The following MTR variants were observed in gnomAD, a reference collection of about 807,000 sequenced individuals.
MTR encodes the protein methionine synthase.
MTR carries 84 observed loss-of-function variants against 154.8 expected under a neutral mutation model. The observed-to-expected ratio is 0.54, with a 90% CI of 0.45 to 0.65. MTR has a LOEUF of 0.65. Among genes scored for constraint, MTR ranks in the 30% least tolerant of loss-of-function variants. MTR has a pLI of 0.00. For synonymous variants in MTR, 554 were observed against 553.9 expected, an observed-to-expected ratio of 1.00 and a Z score of 0.00; for missense variants, 1,275 against 1,570.2, an observed-to-expected ratio of 0.81 and a Z score of 3.18.
chr1:236,864,406 C>G (rs1323826877), intron 22 of MTR, among the ~76,000 whole-genome samples: 2 of 152,156 alleles, frequency 1.3e-5, no homozygotes, highest in Admixed American at 1.3e-4. Context: ...TCTCTGCCTT[C>G]AAGGCTCATT....
intron 23 of MTR, among the ~76,000 whole-genome samples, chr1:236,874,350 G>A (rs1377948854): frequency 6.6e-6 from 1 of 152,014 alleles, no homozygotes; most frequent in African/African-American, 2.4e-5. Context: ...TGAGGCAGGC[G>A]GATCATTTGA....
At chr1:236,815,771 C>T in intron 7 of MTR, 108 bp downstream of exon 7, 2 of 1,080,540 alleles carry the variant, frequency 1.9e-6, no homozygotes, top group Admixed American at 1.9e-5. Flanking sequence ...ATCTTTAGAA[C>T]TCATCTACTT....
intron 5 of MTR, among the ~76,000 whole-genome samples, chr1:236,810,868 ATAAAG>A (rs1374894764): frequency 6.6e-6 from 1 of 152,214 alleles, no homozygotes; most frequent in African/African-American, 2.4e-5. Context: ...ACCAACTAAA[ATAAAG>A]CTGTAAACTC....
rs1431014615 is a variant in MTR at position 236,897,908 on chromosome 1, G to C, written c.*264G>C. 2.1e-6 allele frequency: 1 copy of C among 479,424 alleles called. No individual in the cohort carries two copies. The highest frequency in any genetic ancestry group is 3.7e-6 in the Non-Finnish European group (1 of 269,340). 29.7% of individuals were successfully genotyped at this position (479,424 alleles called of 1,614,324 possible). On this transcript the variant is annotated 3_prime_UTR_variant, in exon 33 of 33. Transcript: ENST00000366577. ...TGGTTTCCCTGGTCCCTCTGAGATG[G>C]GGACAGACTGAAGACAGAGGTCGTT...
intron 6 of MTR, among the ~76,000 whole-genome samples, chr1:236,813,253 C>T (rs781180426): frequency 9.2e-5 from 14 of 152,026 alleles, no homozygotes; most frequent in African/African-American, 3.1e-4. Context: ...CTGACAGATG[C>T]GATACAGATA....
chr1:236,868,828 G>T (rs935967272), intron 22 of MTR, among the ~76,000 whole-genome samples: 5 of 152,216 alleles, frequency 3.3e-5, no homozygotes, highest in Non-Finnish European at 7.3e-5. Context: ...GCTGAGTGAG[G>T]AACATGATTG....
chr1:236,815,604 G>A lies in MTR; in HGVS notation c.610G>A (p.Ala204Thr). ...ETIFDTANAK[A>T]ALFALQNLFE... is the part of the protein sequence containing the mutation. ...ACGTTCTTTCTTTTTTCCCTGACAG[G>A]CAGCCTTGTTTGCACTCCAAAATCT... is the stretch of plus-strand genomic sequence containing the variant. Residue 204 changes from alanine (A) to threonine (T), a missense_variant and splice_region_variant, in exon 7 of 33, where the codon GCA becomes ACA. By Grantham distance (58) the Ala-to-Thr change is moderately conservative. Transcript: ENST00000366577. 1 of 1,613,838 alleles carries A rather than the reference G, an allele frequency of 6.2e-7. No individual in the cohort carries two copies. Among genetic ancestry groups the A allele is most frequent in the Non-Finnish European group, 8.5e-7 (1 of 1,179,828 alleles).
intron 22 of MTR, among the ~76,000 whole-genome samples, chr1:236,866,517 C>G (rs1664833185): frequency 1.3e-5 from 2 of 152,192 alleles, no homozygotes; most frequent in African/African-American, 4.8e-5. Flanking sequence ...TTGTAATCCT[C>G]TAAGTGTTTA....
At chr1:236,893,128 C>T (rs758316036) in intron 29 of MTR, among the ~76,000 whole-genome samples, 1 of 152,108 alleles carries the variant, frequency 6.6e-6, no homozygotes, top group Non-Finnish European at 1.5e-5. Flanking sequence ...ATCTCTCTCT[C>T]CTGTGGCGCA....
chr1:236,796,420 T>A (rs1356200022), intron 1 of MTR, among the ~76,000 whole-genome samples: 1 of 152,224 alleles, frequency 6.6e-6, no homozygotes, highest in East Asian at 1.9e-4. Flanking sequence ...TCTAAGGTCA[T>A]GCCTGATTAT....
chr1:236,823,829 T>A (rs933803496), intron 8 of MTR, among the ~76,000 whole-genome samples: 7 of 135,862 alleles, frequency 5.2e-5, no homozygotes, highest in South Asian at 2.4e-4. Context: ...TTTTTTTTTT[T>A]AGCAGTGTTA....
At chr1:236,810,161 G>A (rs1217229101) in intron 4 of MTR, among the ~76,000 whole-genome samples, 2 of 152,204 alleles carry the variant, frequency 1.3e-5, no homozygotes, top group Non-Finnish European at 2.9e-5. Context: ...AGAATTGAGA[G>A]TTGTGGGGAC....
At chr1:236,895,000 T>C in intron 30 of MTR, 1 of 368,630 alleles carries the variant, frequency 2.7e-6, no homozygotes, top group Non-Finnish European at 5.1e-6. Flanking sequence ...AGCCTCTCCC[T>C]TTTCCTGCAG....
rs746617612 is a variant in MTR at position 236,815,649 on chromosome 1, C to T, written c.655C>T (p.Pro219Ser). 3.1e-6 allele frequency: 5 copies of T among 1,613,292 alleles called. No homozygotes were observed. The highest frequency in any genetic ancestry group is 8.5e-7 in the Non-Finnish European group (1 of 1,179,786). Residue 219 changes from proline (P) to serine (S), a missense_variant, in exon 7 of 33, where the codon CCC becomes TCC. Physicochemically the swap from Pro to Ser is moderately conservative, Grantham distance 74 (BLOSUM62 -1). Transcript: ENST00000366577. ...LQNLFEEKYAPRPIFISGTIV... is the reference protein window; with the variant it reads ...LQNLFEEKYASRPIFISGTIV... ...AAATCTTTTTGAGGAGAAATATGCT[C>T]CCCGGCCTATCTTTGTAAGTTCTAA... is the stretch of plus-strand genomic sequence containing the variant.
intron 29 of MTR, among the ~76,000 whole-genome samples, chr1:236,893,875 G>A (rs756395694): frequency 3.9e-5 from 6 of 152,118 alleles, no homozygotes; most frequent in Non-Finnish European, 5.9e-5. Flanking sequence ...ACATGGCCTG[G>A]GCATCGCTGA....
At position 236,850,427 on chromosome 1, in the gene MTR, C is replaced by T; in HGVS notation, c.1599C>T (p.Asp533=). The change falls in exon 16 of 33, where the codon GAC becomes GAT. Residue 533 remains aspartate (D), a synonymous_variant. Coordinates refer to ENST00000366577, the MANE Select transcript of MTR (RefSeq NM_000254.3). ...AAAAACTGGGCTTTAATCCAAATGA[C>T]ATTATTTTTGACCCTAATATCCTAA... The part of the protein sequence containing the change: ...LVKKLGFNPN[D]IIFDPNILTI... The T allele has an allele frequency of 6.2e-7, 1 of 1,613,680 alleles. No homozygotes were observed. The highest frequency in any genetic ancestry group is 1.3e-5 in the African/African-American group (1 of 74,950).
At chr1:236,853,464 A>T (rs982024549) in intron 18 of MTR, among the ~76,000 whole-genome samples, 3 of 152,236 alleles carry the variant, frequency 2.0e-5, no homozygotes, top group African/African-American at 7.2e-5. Flanking sequence ...TTTTGTTATA[A>T]CCTTTAAGTG....
At chr1:236,897,182 A>C in intron 32 of MTR, 64 bp downstream of exon 32, 7 of 1,206,798 alleles carry the variant, frequency 5.8e-6, no homozygotes, top group Non-Finnish European at 7.4e-6. Context: ...AACCTCTCTC[A>C]TTTTAAATGT....
chr1:236,795,862 C>A, intron 1 of MTR, 125 bp downstream of exon 1: 2 of 1,467,872 alleles, frequency 1.4e-6, no homozygotes, highest in South Asian at 1.2e-5. Context: ...CGCGTGTGGG[C>A]GGCACCTTTA....
Sources: gnomAD v4.1 joint callset for allele counts (sites outside exome capture counted in the v4.1 genomes callset) on GRCh38, gnomAD v4.1.1 for gene constraint, MANE v1.5 for transcripts, NCBI Gene and HGNC (gene_info 2026-07-23, HGNC 2026-07-21) for gene names.